Variants in KCNB2 observed in about 807,000 individuals in gnomAD.
The protein encoded by KCNB2 is potassium voltage-gated channel subfamily B member 2, also known as delayed rectifier potassium channel protein.
In KCNB2, 15 loss-of-function variants were observed where a neutral mutation model predicts 61.5. The ratio of observed to expected loss-of-function variants is 0.24; its 90% CI spans 0.16 to 0.38. KCNB2 has a LOEUF of 0.38. Among genes scored for constraint, KCNB2 ranks in the 10% least tolerant of loss-of-function variants. KCNB2 has a pLI of 1.00. For synonymous variants in KCNB2, 457 were observed against 446.0 expected (o/e 1.02, Z -0.31); for missense variants, 828 against 1,125.2 (o/e 0.74, Z 3.78).
chr8:72,928,850 G>C (rs1459579338), intron 2 of KCNB2, among the ~76,000 whole-genome samples: 2 of 151,450 alleles, frequency 1.3e-5, no homozygotes, highest in African/African-American at 2.4e-5. Context: ...GTCTAGGTTT[G>C]TCATGTAAAC....
intron 2 of KCNB2, among the ~76,000 whole-genome samples, chr8:72,646,667 G>A (rs898931322): frequency 3.9e-5 from 6 of 152,300 alleles, no homozygotes; most frequent in Admixed American, 1.3e-4. Context: ...TATACGAGGT[G>A]TCTTGAGAAG....
chr8:72,571,967 T>C (rs1233445582), intron 2 of KCNB2, among the ~76,000 whole-genome samples: 2 of 152,254 alleles, frequency 1.3e-5, no homozygotes, highest in East Asian at 1.9e-4. Context: ...GCTAGTTCCC[T>C]GTAAATATTG....
At chr8:72,559,976 T>C (rs970952414) in intron 1 of KCNB2, among the ~76,000 whole-genome samples, 4 of 152,168 alleles carry the variant, frequency 2.6e-5, no homozygotes, top group African/African-American at 9.7e-5. Context: ...CTAAACTCCC[T>C]TCTGCCACAT....
intron 2 of KCNB2, among the ~76,000 whole-genome samples, chr8:72,755,456 A>G (rs903468253): frequency 3.9e-5 from 6 of 152,202 alleles, no homozygotes; most frequent in African/African-American, 2.4e-5. Flanking sequence ...AATATATGCA[A>G]ATTTCTTACA....
At chr8:72,783,098 C>A (rs1229914321) in intron 2 of KCNB2, among the ~76,000 whole-genome samples, 3 of 152,184 alleles carry the variant, frequency 2.0e-5, no homozygotes, top group African/African-American at 7.2e-5. Context: ...CTGTTCACTG[C>A]AATAGTTCTA....
At chr8:72,648,386 C>T (rs1806163700) in intron 2 of KCNB2, among the ~76,000 whole-genome samples, 1 of 152,148 alleles carries the variant, frequency 6.6e-6, no homozygotes, top group Non-Finnish European at 1.5e-5. Context: ...ATTCTCCCAC[C>T]TCAGCCGCCT....
chr8:72,568,318 GA>G lies in KCNB2; in HGVS notation c.579+8del. ...AACTCATCAGTGGCTGCAAAGGTAT[GA>G]AACCCATAGTATTGCTTGCCTGTGT... On this transcript the variant is annotated splice_donor_region_variant and intron_variant, in intron 2 of 2. Coordinates refer to ENST00000523207, the MANE Select transcript of KCNB2 (RefSeq NM_004770.3). The G allele has an allele frequency of 6.2e-7, 1 of 1,603,484 alleles. No individual in the cohort carries two copies. The highest frequency in any genetic ancestry group is 8.5e-7 in the Non-Finnish European group (1 of 1,175,582).
chr8:72,605,792 T>G (rs1335476858), intron 2 of KCNB2, among the ~76,000 whole-genome samples: 3 of 152,170 alleles, frequency 2.0e-5, no homozygotes, highest in African/African-American at 7.2e-5. Flanking sequence ...AGCATAAATA[T>G]AGAGAAGATG....
At chr8:72,715,070 T>A (rs1400840922) in intron 2 of KCNB2, among the ~76,000 whole-genome samples, 1 of 152,124 alleles carries the variant, frequency 6.6e-6, no homozygotes, top group Non-Finnish European at 1.5e-5. Context: ...AAGAAGGCCA[T>A]TACATAATGG....
At chr8:72,748,220 T>C (rs956590278) in intron 2 of KCNB2, among the ~76,000 whole-genome samples, 1 of 152,200 alleles carries the variant, frequency 6.6e-6, no homozygotes, top group African/African-American at 2.4e-5. Flanking sequence ...TCATGTTAAT[T>C]TCCTCATTGG....
At chr8:72,739,526 CAT>C (rs1461421439) in intron 2 of KCNB2, among the ~76,000 whole-genome samples, 2 of 151,760 alleles carry the variant, frequency 1.3e-5, no homozygotes, top group Non-Finnish European at 2.9e-5. Context: ...TTTAAAGAAA[CAT>C]GTAGGAATTA....
At chr8:72,854,236 G>A (rs975028145) in intron 2 of KCNB2, among the ~76,000 whole-genome samples, 14 of 152,028 alleles carry the variant, frequency 9.2e-5, no homozygotes, top group African/African-American at 3.4e-4. Flanking sequence ...TTTCTAAGCA[G>A]GCAAAATAAA....
Position 72,938,250 on chromosome 8 carries a change from A to C in KCNB2, c.*159A>C. Reference sequence around the variant, plus strand: ...TGCATGGCATGAACAGTTTAGCTTAAGTACTGTTTAAATAATGAGTCAAGA... The same window carrying C: ...TGCATGGCATGAACAGTTTAGCTTACGTACTGTTTAAATAATGAGTCAAGA... On this transcript the variant is annotated 3_prime_UTR_variant, in exon 3 of 3. Transcript: ENST00000523207. 1.6e-6 allele frequency: 1 copy of C among 607,436 alleles called. No homozygotes were observed. Among genetic ancestry groups the C allele is most frequent in the African/African-American group, 1.8e-5 (1 of 54,130 alleles). 37.6% of individuals were successfully genotyped at this position (607,436 alleles called of 1,614,324 possible). A position where few individuals can be genotyped will look rare whatever the true frequency, so the allele number is the denominator to read the frequency against.
At chr8:72,744,453 ACAGT>A (rs1808022902) in intron 2 of KCNB2, among the ~76,000 whole-genome samples, 1 of 152,208 alleles carries the variant, frequency 6.6e-6, no homozygotes, top group East Asian at 1.9e-4. Flanking sequence ...CCATGTCATC[ACAGT>A]GCTTATGTTA....
chr8:72,766,376 C>T (rs2128996834), intron 2 of KCNB2, among the ~76,000 whole-genome samples: 1 of 152,318 alleles, frequency 6.6e-6, no homozygotes, highest in South Asian at 2.1e-4. Flanking sequence ...AAACTATGTT[C>T]CACAAGAGAA....
At chr8:72,645,310 T>C (rs1404656155) in intron 2 of KCNB2, among the ~76,000 whole-genome samples, 1 of 152,178 alleles carries the variant, frequency 6.6e-6, no homozygotes, top group African/African-American at 2.4e-5. Context: ...ACAGGCTCCT[T>C]ACAGACCATA....
At chr8:72,935,304 C>T (rs1421342571) in intron 2 of KCNB2, among the ~76,000 whole-genome samples, 1 of 152,162 alleles carries the variant, frequency 6.6e-6, no homozygotes, top group Non-Finnish European at 1.5e-5. Context: ...ATGAAACCTT[C>T]CTGCACTCTT....
chr8:72,690,320 G>A (rs1550467), intron 2 of KCNB2, among the ~76,000 whole-genome samples: 63,285 of 152,002 alleles, frequency 0.42, 15,354 homozygotes, highest in Non-Finnish European at 0.57. Flanking sequence ...TTCCCAATAA[G>A]CTCCCAAGAA....
chr8:72,750,805 C>T (rs1808176257), intron 2 of KCNB2: 1 of 152,110 alleles, frequency 6.6e-6, no homozygotes, highest in African/African-American at 2.4e-5. Context: ...CCTACTTATA[C>T]AGGGGCAATA....
Sources: gnomAD v4.1 joint callset for allele counts (sites outside exome capture counted in the v4.1 genomes callset) on GRCh38, gnomAD v4.1.1 for gene constraint, MANE v1.5 for transcripts, NCBI Gene and HGNC (gene_info 2026-07-23, HGNC 2026-07-21) for gene names.